Variants in ZNF385D observed in about 807,000 individuals in gnomAD.
ZNF385D encodes zinc finger protein 385D, also known as zinc finger protein 659.
ZNF385D carries 15 observed loss-of-function variants against 35.8 expected under a neutral mutation model. The observed-to-expected ratio is 0.42, with a 90% CI of 0.28 to 0.64. The LOEUF (loss-of-function observed/expected upper bound fraction) is 0.64. Ranked by LOEUF, ZNF385D falls within the 30% of genes least tolerant of loss-of-function variation. The pLI, the probability that ZNF385D is intolerant of heterozygous loss-of-function variation, is 0.23. For synonymous variants in ZNF385D, 212 were observed against 186.8 expected (o/e 1.13, Z -1.10); for missense variants, 474 against 494.6 (o/e 0.96, Z 0.39).
chr3:22,050,738 T>C (rs930647285), intron 3 of ZNF385D, among the ~76,000 whole-genome samples: 5 of 152,242 alleles, frequency 3.3e-5, no homozygotes, highest in African/African-American at 1.2e-4. Flanking sequence ...ATTATATTAA[T>C]TCATTGTGTA....
chr3:22,273,712 A>G (rs1701288994), intron 2 of ZNF385D, among the ~76,000 whole-genome samples: 1 of 152,070 alleles, frequency 6.6e-6, no homozygotes, highest in Non-Finnish European at 1.5e-5. Context: ...CTGGTTTAAA[A>G]GAAAAACAGA....
chr3:21,786,169 C>G (rs1455837965), intron 3 of ZNF385D, among the ~76,000 whole-genome samples: 1 of 152,182 alleles, frequency 6.6e-6, no homozygotes, highest in East Asian at 1.9e-4. Context: ...TCAAACTCAG[C>G]TTTCTTTGAC....
intron 3 of ZNF385D, among the ~76,000 whole-genome samples, chr3:21,511,291 G>A (rs1173423604): frequency 6.6e-6 from 1 of 152,082 alleles, no homozygotes; most frequent in Non-Finnish European, 1.5e-5. Context: ...CATTTTCTTT[G>A]TGGGAGCGGG....
intron 3 of ZNF385D, among the ~76,000 whole-genome samples, chr3:21,906,753 C>T (rs1427804914): frequency 6.6e-5 from 10 of 152,158 alleles, no homozygotes; most frequent in Non-Finnish European, 1.2e-4. Flanking sequence ...TCCTGGGGCC[C>T]TTGCCTGTCT....
intron 2 of ZNF385D, among the ~76,000 whole-genome samples, chr3:22,224,180 G>C (rs1446224390): frequency 1.3e-5 from 2 of 152,140 alleles, no homozygotes; most frequent in East Asian, 3.8e-4. Flanking sequence ...TAAAATATAA[G>C]TATAAATGAA....
intron 3 of ZNF385D, among the ~76,000 whole-genome samples, chr3:21,944,302 T>G (rs1454310087): frequency 2.0e-5 from 3 of 152,196 alleles, no homozygotes; most frequent in African/African-American, 7.2e-5. Context: ...CTTGCCTTCT[T>G]GTTTTACCAG....
intron 3 of ZNF385D, among the ~76,000 whole-genome samples, chr3:22,101,697 G>C (rs1701953484): frequency 1.3e-5 from 2 of 151,720 alleles, no homozygotes; most frequent in Admixed American, 6.6e-5. Context: ...ACAAACCTCG[G>C]AAAGGATTCT....
At chr3:21,995,370 G>T (rs959568265) in intron 3 of ZNF385D, among the ~76,000 whole-genome samples, 3 of 152,266 alleles carry the variant, frequency 2.0e-5, no homozygotes, top group African/African-American at 4.8e-5. Context: ...CTGTCCTCAG[G>T]ACCCCCGAGT....
rs556013905 is a variant in ZNF385D at position 21,655,288 on chromosome 3, C to T, written c.165+9598G>A. Among the ~76,000 whole-genome samples the T allele has an allele frequency of 1.2e-4, 19 of 152,078 alleles. 1 individual carries two copies. The highest frequency in any genetic ancestry group is 4.3e-4 in the African/African-American group (18 of 41,544). ...CACAGATGAGAAAATGCAGGCTCCA[C>T]GTTTTTGCCTTAGGCTGTAAAGTAT... On this transcript the variant is annotated intron_variant, in intron 2 of 7. Transcript: ENST00000281523.
At chr3:21,526,746 A>G (rs1708247913) in intron 3 of ZNF385D, among the ~76,000 whole-genome samples, 1 of 152,196 alleles carries the variant, frequency 6.6e-6, no homozygotes, top group Non-Finnish European at 1.5e-5. Context: ...TCACTGGAAC[A>G]ATAGATTTTG....
At chr3:21,745,213 T>A (rs1282846255) in intron 1 of ZNF385D, among the ~76,000 whole-genome samples, 1 of 152,190 alleles carries the variant, frequency 6.6e-6, no homozygotes, top group South Asian at 2.1e-4. Flanking sequence ...CTTTCTGACC[T>A]TGGCCAGGTT....
At position 21,974,459 on chromosome 3, in the gene ZNF385D, G is replaced by A. The variant is rs60135685; in HGVS notation, c.325+194358C>T. On this transcript the variant is annotated intron_variant, in intron 3 of 5. Coordinates refer to the ZNF385D transcript ENST00000494108. ...TAAACACTTAAATCTAAGATCTTAAGCTAAGAAACTACTAGGAAAAAATTG... is the reference window on the plus strand; with the variant it reads ...TAAACACTTAAATCTAAGATCTTAAACTAAGAAACTACTAGGAAAAAATTG... Among the ~76,000 whole-genome samples the A allele has an allele frequency of 5.9e-5, 9 of 152,050 alleles. No individual in the cohort carries two copies. In the East Asian group the frequency reaches 1.7e-3, roughly 29 times the overall value.
intron 2 of ZNF385D, among the ~76,000 whole-genome samples, chr3:22,270,372 T>C (rs769650827): frequency 3.2e-4 from 49 of 152,092 alleles, no homozygotes; most frequent in Admixed American, 1.8e-3. Context: ...ACCCTCATTT[T>C]GATAATAGAG....
chr3:22,353,887 A>C (rs1696030290), intron 2 of ZNF385D, among the ~76,000 whole-genome samples: 2 of 152,086 alleles, frequency 1.3e-5, no homozygotes, highest in African/African-American at 4.8e-5. Context: ...TTCTACTACC[A>C]GGACTGAAAT....
At chr3:21,960,013 C>A (rs1490997992) in intron 3 of ZNF385D, among the ~76,000 whole-genome samples, 1 of 111,826 alleles carries the variant, frequency 8.9e-6, no homozygotes, top group Non-Finnish European at 1.9e-5. Flanking sequence ...ACTTCAAAAG[C>A]ACAGCCTCCA....
At chr3:21,637,047 G>A (rs2065471618) in intron 2 of ZNF385D, among the ~76,000 whole-genome samples, 1 of 152,122 alleles carries the variant, frequency 6.6e-6, no homozygotes, top group Non-Finnish European at 1.5e-5. Context: ...TACTCTGTGA[G>A]TTGTCTGTTT....
At chr3:21,770,571 T>C (rs530825490) in intron 3 of ZNF385D, among the ~76,000 whole-genome samples, 9 of 152,270 alleles carry the variant, frequency 5.9e-5, no homozygotes, top group Admixed American at 1.3e-4. Flanking sequence ...ATGGCGATCA[T>C]TAAAAAGTGA....
At chr3:22,300,688 C>T (rs745677815) in intron 2 of ZNF385D, among the ~76,000 whole-genome samples, 19 of 151,878 alleles carry the variant, frequency 1.3e-4, no homozygotes, top group African/African-American at 3.6e-4. Flanking sequence ...ACATTAAAAA[C>T]GTTCAATATC....
At chr3:22,162,403 C>CT (rs1706020340) in intron 3 of ZNF385D, among the ~76,000 whole-genome samples, 2 of 151,880 alleles carry the variant, frequency 1.3e-5, no homozygotes, top group South Asian at 2.1e-4. Flanking sequence ...TCTCTGAAGC[C>CT]CCCCTTATCT....
Sources: gnomAD v4.1 joint callset for allele counts (sites outside exome capture counted in the v4.1 genomes callset) on GRCh38, gnomAD v4.1.1 for gene constraint, MANE v1.5 for transcripts, NCBI Gene and HGNC (gene_info 2026-07-23, HGNC 2026-07-21) for gene names.